The following IL1RAPL2 variants were observed in gnomAD, a reference collection of about 807,000 sequenced individuals.
The protein encoded by IL1RAPL2 is interleukin 1 receptor accessory protein like 2.
A neutral mutation model predicts 44.1 loss-of-function variants in IL1RAPL2; 3 were observed. The ratio of observed to expected loss-of-function variants is 0.07; its 90% CI spans 0.03 to 0.18. The LOEUF (loss-of-function observed/expected upper bound fraction) is 0.18, where lower values mean the gene tolerates loss of function less well. Among genes scored for constraint, IL1RAPL2 ranks in the 10% least tolerant of loss-of-function variants. The pLI is 1.00. For synonymous variants in IL1RAPL2, 181 were observed against 178.8 expected (o/e 1.01, Z -0.10); for missense variants, 391 against 496.4 (o/e 0.79, Z 2.02).
intron 2 of IL1RAPL2, among the ~76,000 whole-genome samples, chrX:104,847,142 T>C (rs1922074854): frequency 8.9e-6 from 1 of 112,049 alleles, no homozygotes; most frequent in Non-Finnish European, 1.9e-5. Context: ...ATTCTGTAGG[T>C]TGCCTGTTCA....
intron 2 of IL1RAPL2, among the ~76,000 whole-genome samples, chrX:105,017,638 A>G (rs2031207591): frequency 9.0e-6 from 1 of 111,096 alleles, no homozygotes. Flanking sequence ...TGAAAAATAG[A>G]GAAGAATGCA....
rs1273749869 is a variant in IL1RAPL2, at chrX:105,005,949, C to T, written c.83-189526C>T. On this transcript the variant is annotated intron_variant, in intron 2 of 10. Transcript: ENST00000372582. ...TCCAAAAGTAATAATTTCTGATTCT[C>T]ATAGCTATGGAATCTTACGTTTTGT... Among the ~76,000 whole-genome samples, 11 of 110,533 alleles carry T rather than the reference C, an allele frequency of 1.0e-4. No homozygotes were observed. The East Asian group carries it at 3.2e-3, about 32-fold the overall frequency.
In IL1RAPL2 at chrX:105,388,792, A is replaced by G. The variant is rs369361143; in HGVS notation, c.698-95521A>G. ...TCTCTTATCCACAGTTTAGTTTTAT[A>G]TAATACAACCTGATAGCATCTTGTT... is the stretch of plus-strand genomic sequence containing the variant. On this transcript the variant is annotated intron_variant, in intron 5 of 10. Transcript: ENST00000372582. Among the ~76,000 whole-genome samples, 47 of 111,401 alleles carry G rather than the reference A, an allele frequency of 4.2e-4. No homozygotes were observed. The East Asian group carries it at 0.011, about 27-fold the overall frequency.
At chrX:105,260,080 T>A (rs2034345167) in intron 4 of IL1RAPL2, among the ~76,000 whole-genome samples, 1 of 111,795 alleles carries the variant, frequency 8.9e-6, no homozygotes, top group Admixed American at 9.4e-5. Flanking sequence ...AGGAGGTGGG[T>A]GGAGACCCTG....
At chrX:104,957,140 C>T (rs970687532) in intron 2 of IL1RAPL2, among the ~76,000 whole-genome samples, 1 of 112,071 alleles carries the variant, frequency 8.9e-6, no homozygotes, top group African/African-American at 3.2e-5. Context: ...TTGGGTATAC[C>T]CAGAGGGGTT....
At chrX:104,869,561 T>C (rs1922704875) in intron 2 of IL1RAPL2, among the ~76,000 whole-genome samples, 1 of 112,028 alleles carries the variant, frequency 8.9e-6, no homozygotes, top group Non-Finnish European at 1.9e-5. Flanking sequence ...CTATTTCTTT[T>C]TTTTCATTAT....
chrX:105,110,612 C>T, intron 2 of IL1RAPL2, among the ~76,000 whole-genome samples: 1 of 111,637 alleles, frequency 9.0e-6, no homozygotes, highest in Non-Finnish European at 1.9e-5. Flanking sequence ...GTGAAAGATC[C>T]TTTTAGAATG....
chrX:105,644,038 C>T (rs1315295262), intron 6 of IL1RAPL2, among the ~76,000 whole-genome samples: 7 of 110,806 alleles, frequency 6.3e-5, no homozygotes, highest in African/African-American at 1.3e-4. Flanking sequence ...ACTACAGGGG[C>T]GTGCCATCAC....
chrX:104,879,365 T>TTAAAAAAAAAAAAAAAAAAA (rs1922997117), intron 2 of IL1RAPL2, among the ~76,000 whole-genome samples: 1 of 31,056 alleles, frequency 3.2e-5, no homozygotes, highest in African/African-American at 1.9e-4. Context: ...GCAAAACTAG[T>TTAAAAAAAAAAAAAAAAAAA]AAAAAAAAAA....
At chrX:104,745,691 T>TAA in intron 2 of IL1RAPL2, among the ~76,000 whole-genome samples, 1 of 111,866 alleles carries the variant, frequency 8.9e-6, no homozygotes, top group Admixed American at 9.5e-5. Context: ...TTTTAGCATT[T>TAA]TCAGATTAAG....
chrX:104,575,351 C>T (rs1485256138), intron 1 of IL1RAPL2, among the ~76,000 whole-genome samples: 6 of 111,076 alleles, frequency 5.4e-5, no homozygotes, highest in African/African-American at 1.6e-4. Context: ...CATCAGCTAA[C>T]CACCCACAAA....
intron 4 of IL1RAPL2, among the ~76,000 whole-genome samples, chrX:105,257,751 C>T (rs1458360642): frequency 8.9e-6 from 1 of 112,023 alleles, no homozygotes; most frequent in African/African-American, 3.2e-5. Flanking sequence ...AGAATTGCAA[C>T]CCCTGCTTTT....
At chrX:104,773,921 G>A (rs1400267759) in intron 2 of IL1RAPL2, among the ~76,000 whole-genome samples, 1 of 112,045 alleles carries the variant, frequency 8.9e-6, no homozygotes, top group African/African-American at 3.2e-5. Flanking sequence ...GATCATCCCT[G>A]TGCAATCTTA....
At chrX:105,436,770 A>C (rs1374139081) in intron 5 of IL1RAPL2, among the ~76,000 whole-genome samples, 1 of 110,618 alleles carries the variant, frequency 9.0e-6, no homozygotes, top group Non-Finnish European at 1.9e-5. Flanking sequence ...ACTGAAATGA[A>C]GATATATTTG....
At chrX:105,177,126 G>T (rs767986211) in intron 2 of IL1RAPL2, among the ~76,000 whole-genome samples, 1 of 110,651 alleles carries the variant, frequency 9.0e-6, no homozygotes, top group South Asian at 3.9e-4. Context: ...GTGAGCCAGT[G>T]AAGCTTCATT....
intron 2 of IL1RAPL2, among the ~76,000 whole-genome samples, chrX:104,660,947 TACACACAC>T (rs773390188): frequency 1.1e-5 from 1 of 92,333 alleles, no homozygotes; most frequent in Non-Finnish European, 2.0e-5. Flanking sequence ...TATATATATA[TACACACAC>T]ACACACACAC....
chrX:105,518,881 C>G (rs1006659828), intron 6 of IL1RAPL2, among the ~76,000 whole-genome samples: 1 of 111,616 alleles, frequency 9.0e-6, no homozygotes, highest in African/African-American at 3.3e-5. Flanking sequence ...GTTAGTATGT[C>G]AGGAATCATT....
chrX:104,691,405 T>C (rs1475760837), intron 2 of IL1RAPL2, among the ~76,000 whole-genome samples: 1 of 112,286 alleles, frequency 8.9e-6, no homozygotes, highest in Non-Finnish European at 1.9e-5. Context: ...GACTCATTTA[T>C]ACCTCAGGAC....
intron 2 of IL1RAPL2, among the ~76,000 whole-genome samples, chrX:104,808,929 A>G (rs1932945646): frequency 8.9e-6 from 1 of 111,791 alleles, no homozygotes; most frequent in African/African-American, 3.3e-5. Context: ...AGCTTTTCAC[A>G]CACTCAGCAC....
Sources: allele counts gnomAD v4.1 joint callset (sites outside exome capture counted in the v4.1 genomes callset), GRCh38; gene constraint gnomAD v4.1.1; transcripts MANE v1.5; gene names NCBI Gene and HGNC (gene_info 2026-07-23, HGNC 2026-07-21).